Variants in CLEC2A observed in about 807,000 individuals in gnomAD.
The protein encoded by CLEC2A is keratinocyte-associated C-type lectin.
CLEC2A carries 19 observed loss-of-function variants against 18.6 expected under a neutral mutation model. That is an observed-to-expected ratio of 1.02 (90% CI 0.71 to 1.50). The LOEUF (loss-of-function observed/expected upper bound fraction) is 1.50, where lower values mean the gene tolerates loss of function less well. Among genes scored for constraint, CLEC2A ranks in the 40% most tolerant of loss-of-function variants. The pLI, the probability that CLEC2A is intolerant of heterozygous loss-of-function variation, is 0.00. For missense variants in CLEC2A, 190 were observed against 207.9 expected (o/e 0.91, Z 0.53); for synonymous variants, 74 against 64.0 (o/e 1.16, Z -0.75).
At chr12:9,903,962 C>A (rs1384040411) in intron 4 of CLEC2A, among the ~76,000 whole-genome samples, 1 of 152,110 alleles carries the variant, frequency 6.6e-6, no homozygotes, top group East Asian at 1.9e-4. Flanking sequence ...AAGGGATGGC[C>A]AGTTGGATCA....
chr12:9,893,329 A>G, the CLEC2A span: 3 of 834,324 alleles, frequency 3.6e-6, no homozygotes, highest in Admixed American at 2.9e-5. Flanking sequence ...TGTATATGAA[A>G]AAATATATTT....
chr12:9,881,649 G>A, the CLEC2A span: 24 of 1,535,172 alleles, frequency 1.6e-5, no homozygotes, highest in Non-Finnish European at 2.1e-5. Context: ...GTTGTAAATC[G>A]AAGCAGAAAT....
At chr12:9,906,492 G>C (rs1453492058) in intron 4 of CLEC2A, among the ~76,000 whole-genome samples, 1 of 152,188 alleles carries the variant, frequency 6.6e-6, no homozygotes, top group Non-Finnish European at 1.5e-5. Flanking sequence ...TTGTGGATGA[G>C]ATCTTGGCCT....
At chr12:9,909,783 A>G (rs1174341264), downstream of CLEC2A, among the ~76,000 whole-genome samples, 1 of 151,976 alleles carries the variant, frequency 6.6e-6, no homozygotes, top group Non-Finnish European at 1.5e-5. Flanking sequence ...ATAATTCCCA[A>G]GAATTGGGGT....
At chr12:9,879,522 T>C in the CLEC2A span, among the ~76,000 whole-genome samples, 2 of 152,204 alleles carry the variant, frequency 1.3e-5, no homozygotes, top group East Asian at 3.8e-4. Flanking sequence ...GGCTTGTATT[T>C]ACAAACAGAA....
chr12:9,925,014 C>T lies in CLEC2A; in HGVS notation c.139+1246G>A, dbSNP rs1320024725. On this transcript the variant is annotated intron_variant, in intron 2 of 4. Transcript: ENST00000455827. Reference sequence around the variant, plus strand: ...TTTGTTAATTTAACATTTATCTTTCCGGTCACTTTTCTACCCAATTAATTA... The same window carrying T: ...TTTGTTAATTTAACATTTATCTTTCTGGTCACTTTTCTACCCAATTAATTA... 3.3e-5 allele frequency among the ~76,000 whole-genome samples: 5 copies of T among 152,150 alleles called. 1 individual carries two copies. The East Asian group carries it at 9.6e-4, about 29-fold the overall frequency.
In CLEC2A at chr12:9,926,239, T is replaced by C. The variant is rs368989193; in HGVS notation, c.139+21A>G. On this transcript the variant is annotated intron_variant, in intron 2 of 4. Transcript: ENST00000455827. Reference sequence around the variant, plus strand: ...TTCAGGAGTGAAGAACCATAGAAAGTGTATGAATTAAACCACTCACCTATC... The same window carrying C: ...TTCAGGAGTGAAGAACCATAGAAAGCGTATGAATTAAACCACTCACCTATC... The C allele has an allele frequency of 5.5e-4, 762 of 1,373,418 alleles. 1 individual carries two copies. Among genetic ancestry groups the C allele is most frequent in the Non-Finnish European group, 7.0e-4 (685 of 985,532 alleles). 85.1% of individuals were successfully genotyped at this position (1,373,418 alleles called of 1,614,324 possible).
downstream of CLEC2A, among the ~76,000 whole-genome samples, chr12:9,895,169 A>G (rs946889909): frequency 3.3e-5 from 5 of 152,368 alleles, no homozygotes; most frequent in Admixed American, 2.6e-4. Flanking sequence ...ACTGCCTCCC[A>G]ACTCACATCA....
intron 4 of CLEC2A, among the ~76,000 whole-genome samples, chr12:9,914,494 T>C (rs1254070072): frequency 1.3e-5 from 2 of 152,186 alleles, no homozygotes; most frequent in Non-Finnish European, 2.9e-5. Context: ...CAAAACAGCA[T>C]GGTACTGGTA....
intron 4 of CLEC2A, among the ~76,000 whole-genome samples, chr12:9,914,106 T>C (rs1395949137): frequency 2.0e-5 from 3 of 152,264 alleles, no homozygotes; most frequent in Non-Finnish European, 2.9e-5. Context: ...TTTTAGGCAA[T>C]GTACTTTTTC....
chr12:9,916,873 C>T (rs1038561344), intron 3 of CLEC2A, 70 bp from the exon 4 acceptor site: 9 of 864,182 alleles, frequency 1.0e-5, no homozygotes, highest in Middle Eastern at 2.2e-4. Context: ...TGCTTCCCAC[C>T]CCAATTATTC....
chr12:9,889,629 T>C, the CLEC2A span, among the ~76,000 whole-genome samples: 1 of 150,576 alleles, frequency 6.6e-6, no homozygotes, highest in Non-Finnish European at 1.5e-5. Context: ...TAAATCTCTC[T>C]CTATATGTGT....
chr12:9,899,209 G>T (rs148775535), intron 4 of CLEC2A, among the ~76,000 whole-genome samples: 1 of 151,940 alleles, frequency 6.6e-6, no homozygotes, highest in African/African-American at 2.4e-5. Context: ...CTAGTTTAAC[G>T]TTTGGGAAAT....
chr12:9,916,800 A>C lies in CLEC2A; in HGVS notation c.310T>G (p.Phe104Val). 1 of 1,547,724 alleles carries C rather than the reference A, an allele frequency of 6.5e-7. No homozygotes were observed. Among genetic ancestry groups the C allele is most frequent in the South Asian group, 1.2e-5 (1 of 83,886 alleles). ...AQIDTQEDME[F>V]LKRYAGTDMH... Reference sequence around the variant, plus strand: ...TCAGTTCCTGCGTACCTCTTCAAAAATTCCTTTCACAAAACAAAGGGAATC... The same window carrying C: ...TCAGTTCCTGCGTACCTCTTCAAAACTTCCTTTCACAAAACAAAGGGAATC... The change falls in exon 4 of 5, where the codon TTT (phenylalanine) becomes GTT (valine). Residue 104 changes from phenylalanine to valine, a missense_variant. Coordinates refer to ENST00000455827, the MANE Select transcript of CLEC2A (RefSeq NM_001130711.2).
chr12:9,896,124 A>G (rs1447876423), downstream of CLEC2A, among the ~76,000 whole-genome samples: 4 of 152,212 alleles, frequency 2.6e-5, no homozygotes, highest in African/African-American at 9.6e-5. Flanking sequence ...TGCATTTAAA[A>G]TAGCATAGAA....
At chr12:9,889,617 C>G in the CLEC2A span, among the ~76,000 whole-genome samples, 1 of 151,520 alleles carries the variant, frequency 6.6e-6, no homozygotes, top group African/African-American at 2.4e-5. Context: ...GAGACAATAC[C>G]TTAAATCTCT....
At chr12:9,920,315 C>T (rs1170833633) in intron 3 of CLEC2A, among the ~76,000 whole-genome samples, 2 of 152,170 alleles carry the variant, frequency 1.3e-5, no homozygotes, top group African/African-American at 4.8e-5. Flanking sequence ...CTGAGGCTCC[C>T]GGGTCACTGC....
chr12:9,912,258 T>A (rs1375283653), downstream of CLEC2A, among the ~76,000 whole-genome samples: 1 of 152,138 alleles, frequency 6.6e-6, no homozygotes, highest in Non-Finnish European at 1.5e-5. Flanking sequence ...AGGGGAAGGC[T>A]GTGGTGGCTT....
Position 9,913,344 on chromosome 12 carries a change from C to T in CLEC2A, c.*222G>A. The T allele has an allele frequency of 3.3e-6, 2 of 607,508 alleles. No individual in the cohort carries two copies. Among genetic ancestry groups the T allele is most frequent in the Non-Finnish European group, 2.5e-6 (1 of 393,954 alleles). 37.6% of individuals were successfully genotyped at this position (607,508 alleles called of 1,614,324 possible). ...AGGTGATTAGTTCATGAGGATGGAGCCATAGTAAATGTGATTGTGCCCTTA... is the reference window on the plus strand; with the variant it reads ...AGGTGATTAGTTCATGAGGATGGAGTCATAGTAAATGTGATTGTGCCCTTA... On this transcript the variant is annotated 3_prime_UTR_variant, in exon 5 of 5. Coordinates refer to ENST00000455827, the MANE Select transcript of CLEC2A (RefSeq NM_001130711.2).
Sources: allele counts gnomAD v4.1 joint callset (sites outside exome capture counted in the v4.1 genomes callset), GRCh38; gene constraint gnomAD v4.1.1; transcripts MANE v1.5; gene names NCBI Gene and HGNC (gene_info 2026-07-23, HGNC 2026-07-21).